Variants in LRRFIP1 observed in about 807,000 individuals in gnomAD.
LRRFIP1 encodes LRR binding FLII interacting protein 1, also known as leucine-rich repeat flightless-interacting protein 1.
In LRRFIP1, 62 loss-of-function variants were observed where a neutral mutation model predicts 104.4. The observed-to-expected ratio is 0.59, with a 90% CI of 0.48 to 0.73. The LOEUF is 0.73. Among genes scored for constraint, LRRFIP1 ranks in the 30% least tolerant of loss-of-function variants. The probability of loss-of-function intolerance (pLI) is 0.00; values close to 1 mark genes in which losing one functional copy is unlikely to be tolerated. For missense variants in LRRFIP1, 796 were observed against 824.5 expected (o/e 0.97, Z 0.42); for synonymous variants, 300 against 299.0 (o/e 1.00, Z -0.03).
intron 15 of LRRFIP1, 129 bp from the exon 16 acceptor site, chr2:237,755,961 TAAAAG>T (rs2059220523): frequency 4.1e-6 from 2 of 488,984 alleles, no homozygotes; most frequent in Non-Finnish European, 7.3e-6. Flanking sequence ...AAAAATAAAA[TAAAAG>T]ACCTTGAAGA....
At position 237,714,272 on chromosome 2, in the gene LRRFIP1, A is replaced by C. The variant is rs1162853291; in HGVS notation, c.197A>C (p.Gln66Pro). ...ERQQKEIYQV[Q>P]KKYYGLDTKW... ...CCTTCTCTATAGATCTATCAGGTCC[A>C]AAAGGTAGGCTCTTCTTTCTTTATT... Residue 66 changes from glutamine to proline, a missense_variant, in exon 3 of 24, where the codon CAA becomes CCA. By Grantham distance (76) the Gln-to-Pro change is moderately conservative (BLOSUM62 -1). Transcript: ENST00000308482. 4 of 1,600,406 alleles carry C rather than the reference A, an allele frequency of 2.5e-6. No homozygotes were observed. Among genetic ancestry groups the C allele is most frequent in the Non-Finnish European group, 3.4e-6 (4 of 1,170,736 alleles).
intron 5 of LRRFIP1, among the ~76,000 whole-genome samples, chr2:237,720,288 C>T (rs1368156692): frequency 6.7e-6 from 1 of 150,192 alleles, no homozygotes; most frequent in Admixed American, 6.7e-5. Flanking sequence ...TGCTCTATTG[C>T]CCAGGCTGGA....
chr2:237,693,345 T>A (rs2092945679), intron 1 of LRRFIP1, among the ~76,000 whole-genome samples: 1 of 152,132 alleles, frequency 6.6e-6, no homozygotes, highest in Non-Finnish European at 1.5e-5. Context: ...CTACTGGGTG[T>A]GTGTGTAAGA....
Position 237,757,916 on chromosome 2 carries a change from C to T in LRRFIP1, c.1224+368C>T, listed in dbSNP as rs1169315690. ...TCTTGGGATTATCTGCCTGGTGGTG[C>T]TTTGAGAAAAAAAATCTAAGCACCA... On this transcript the variant is annotated intron_variant, in intron 17 of 23. Coordinates refer to ENST00000308482, the MANE Select transcript of LRRFIP1 (RefSeq NM_001137550.2). Among the ~76,000 whole-genome samples the T allele has an allele frequency of 4.0e-5, 6 of 151,320 alleles. No individual in the cohort carries two copies. In the East Asian group the frequency reaches 1.2e-3, roughly 30 times the overall value.
chr2:237,643,895 C>G (rs2084443645), intron 1 of LRRFIP1, among the ~76,000 whole-genome samples: 1 of 152,204 alleles, frequency 6.6e-6, no homozygotes, highest in Non-Finnish European at 1.5e-5. Context: ...TTAATTTGGC[C>G]AGGTGTGGGT....
intron 1 of LRRFIP1, among the ~76,000 whole-genome samples, chr2:237,644,473 C>G (rs1348172841): frequency 2.0e-5 from 3 of 152,198 alleles, no homozygotes; most frequent in African/African-American, 7.2e-5. Flanking sequence ...CCTGGGCACC[C>G]CAGGAGTAAC....
At chr2:237,643,000 A>G (rs550538646) in intron 1 of LRRFIP1, among the ~76,000 whole-genome samples, 1 of 152,358 alleles carries the variant, frequency 6.6e-6, no homozygotes, top group Admixed American at 6.5e-5. Flanking sequence ...CTAACCTCAC[A>G]GAGTTCACAT....
At chr2:237,699,837 C>T (rs555590447) in intron 1 of LRRFIP1, among the ~76,000 whole-genome samples, 2 of 151,764 alleles carry the variant, frequency 1.3e-5, no homozygotes, top group South Asian at 4.2e-4. Context: ...TAAGTCAACA[C>T]TTCCGCCACT....
chr2:237,673,848 G>C (rs898797275), intron 1 of LRRFIP1, among the ~76,000 whole-genome samples: 2 of 152,182 alleles, frequency 1.3e-5, no homozygotes, highest in Non-Finnish European at 2.9e-5. Context: ...GAGGTGGGCG[G>C]AGGCTGTCTC....
intron 8 of LRRFIP1, among the ~76,000 whole-genome samples, chr2:237,728,899 T>G (rs1348159032): frequency 6.6e-6 from 1 of 152,264 alleles, no homozygotes; most frequent in Non-Finnish European, 1.5e-5. Context: ...TCATTCCTAT[T>G]TACCTATTTA....
At chr2:237,654,916 C>A (rs941622151) in intron 1 of LRRFIP1, among the ~76,000 whole-genome samples, 3 of 152,076 alleles carry the variant, frequency 2.0e-5, no homozygotes, top group Non-Finnish European at 2.9e-5. Flanking sequence ...GATATGGAAT[C>A]AACCTAAGTG....
Position 237,749,230 on chromosome 2 carries a change from C to T in LRRFIP1, c.701C>T (p.Ala234Val). ...CGTAACATGCCGGGCCTGTCTGCAG[C>T]CACGCTGGCCTCTCTGGGTGGGACT... is the stretch of plus-strand genomic sequence containing the variant. Reference protein sequence around the residue: ...GSRNMPGLSAATLASLGGTSS... With the variant: ...GSRNMPGLSAVTLASLGGTSS... The change falls in exon 13 of 24, where the codon GCC (alanine) becomes GTC (valine). Residue 234 changes from alanine (A) to valine (V), a missense_variant. Transcript: ENST00000308482. 4 of 1,613,786 alleles carry T rather than the reference C, an allele frequency of 2.5e-6. No individual in the cohort carries two copies. The highest frequency in any genetic ancestry group is 3.4e-6 in the Non-Finnish European group (4 of 1,179,998).
At chr2:237,682,345 G>C (rs1238082201) in intron 1 of LRRFIP1, among the ~76,000 whole-genome samples, 1 of 152,198 alleles carries the variant, frequency 6.6e-6, no homozygotes, top group Non-Finnish European at 1.5e-5. Flanking sequence ...TCTGCTGGCT[G>C]TCTCTCTCCC....
chr2:237,763,096 C>T (rs1039612517), intron 19 of LRRFIP1: 6 of 1,614,082 alleles, frequency 3.7e-6, no homozygotes, highest in Non-Finnish European at 4.2e-6. Flanking sequence ...TAGAGGTCCC[C>T]CAAGAGTTAG....
chr2:237,737,308 G>A (rs1241053944), intron 10 of LRRFIP1, among the ~76,000 whole-genome samples: 1 of 152,138 alleles, frequency 6.6e-6, no homozygotes, highest in Non-Finnish European at 1.5e-5. Flanking sequence ...TTTGGCCCAC[G>A]TCCTTACTTC....
At chr2:237,662,752 ACTTGACTCCAGAGGCGGGG>A (rs1300827072) in intron 1 of LRRFIP1, among the ~76,000 whole-genome samples, 1 of 152,034 alleles carries the variant, frequency 6.6e-6, no homozygotes, top group African/African-American at 2.4e-5. Context: ...AGGAGGCGGG[ACTTGACTCCAGAGGCGGGG>A]CTTGGACACT....
At chr2:237,682,006 A>C (rs749093938) in intron 1 of LRRFIP1, among the ~76,000 whole-genome samples, 32 of 152,126 alleles carry the variant, frequency 2.1e-4, no homozygotes, top group Non-Finnish European at 4.0e-4. Context: ...TGGGAATAGC[A>C]GTAAAGCAAC....
intron 1 of LRRFIP1, among the ~76,000 whole-genome samples, chr2:237,655,963 C>T (rs2086752382): frequency 6.6e-6 from 1 of 152,126 alleles, no homozygotes; most frequent in Admixed American, 6.5e-5. Flanking sequence ...TTATTGGTTC[C>T]CAGTTTGAGA....
chr2:237,659,701 G>A (rs983922083), intron 1 of LRRFIP1, among the ~76,000 whole-genome samples: 11 of 151,056 alleles, frequency 7.3e-5, no homozygotes, highest in East Asian at 5.8e-4. Flanking sequence ...AGAGTACAGC[G>A]GTGCGATCAT....
Sources: gnomAD v4.1 joint callset for allele counts (sites outside exome capture counted in the v4.1 genomes callset) on GRCh38, gnomAD v4.1.1 for gene constraint, MANE v1.5 for transcripts, NCBI Gene and HGNC (gene_info 2026-07-23, HGNC 2026-07-21) for gene names.